CATSPERE: variants seen among roughly 807,000 people sequenced by gnomAD.
CATSPERE encodes the protein catsper channel auxiliary subunit epsilon.
CATSPERE carries 93 observed loss-of-function variants against 114.1 expected under a neutral mutation model. The observed-to-expected ratio is 0.81, with a 90% CI of 0.69 to 0.97. The LOEUF is 0.97. Among genes scored for constraint, CATSPERE ranks in the 50% least tolerant of loss-of-function variants. The pLI, the probability that CATSPERE is intolerant of heterozygous loss-of-function variation, is 0.00. For synonymous variants in CATSPERE, 341 were observed against 384.1 expected (o/e 0.89, Z 1.31); for missense variants, 1,058 against 1,131.6 (o/e 0.93, Z 0.93).
In CATSPERE at chr1:244,463,933, C is replaced by G. The variant is rs376544577; in HGVS notation, c.91C>G (p.Arg31Gly). 15 of 1,602,626 alleles carry G rather than the reference C, an allele frequency of 9.4e-6. No homozygotes were observed. The highest frequency in any genetic ancestry group is 1.3e-5 in the Non-Finnish European group (15 of 1,170,038). The change falls in exon 2 of 22, where the codon CGC (arginine) becomes GGC (glycine). Residue 31 changes from arginine (R) to glycine (G), a missense_variant. Physicochemically the swap from Arg to Gly is moderately radical, Grantham distance 125. Transcript: ENST00000366534. ...GTATTCCACTAACAGCCCAAACTAT[C>G]GCATTTTTAGTACCAGAAGTACTGT... ...WRYSTNSPNY[R>G]IFSTRSTIKL...
In CATSPERE at chr1:244,477,989, A is replaced by G; in HGVS notation, c.258+14A>G. ...GTTACTGGCCCAGTAAGTTGTTTTA[A>G]TGATATGTTATTAAATCTTGAATAA... On this transcript the variant is annotated intron_variant, in intron 4 of 21. Transcript: ENST00000366534. 3 of 1,543,412 alleles carry G rather than the reference A, an allele frequency of 1.9e-6. No homozygotes were observed. Among genetic ancestry groups the G allele is most frequent in the East Asian group, 2.3e-5 (1 of 44,408 alleles).
intron 8 of CATSPERE, among the ~76,000 whole-genome samples, chr1:244,551,569 T>G (rs928393117): frequency 6.6e-6 from 1 of 151,992 alleles, no homozygotes; most frequent in Non-Finnish European, 1.5e-5. Flanking sequence ...ATATAACTAA[T>G]TTGAGAGGTG....
At position 244,633,848 on chromosome 1, in the gene CATSPERE, A is replaced by C. The variant is rs28647307; in HGVS notation, c.2649-1641A>C. Among the ~76,000 whole-genome samples, 8,847 of 150,350 alleles carry C rather than the reference A, an allele frequency of 0.059. 885 individuals carry two copies. Among genetic ancestry groups the C allele is most frequent in the African/African-American group, 0.2 (8,349 of 40,998 alleles). ...GCCGTGCTGTGAAAATTCCTGTGAC[A>C]GGTGTCTACATCACTCATTTTTTTT... On this transcript the variant is annotated intron_variant, in intron 20 of 21. Coordinates refer to ENST00000366534, the MANE Select transcript of CATSPERE (RefSeq NM_001130957.2). This position sits in a 1 kb window ranked among gnomAD's most constrained non-coding sequence, Gnocchi z 4.1.
chr1:244,621,062 ATATATATAAAAT>A (rs1315970194), intron 20 of CATSPERE, among the ~76,000 whole-genome samples: 18 of 57,240 alleles, frequency 3.1e-4, no homozygotes, highest in African/African-American at 1.0e-3. Context: ...ATATATATAA[ATATATATAAAAT>A]ATATATATAA....
intron 7 of CATSPERE, among the ~76,000 whole-genome samples, chr1:244,514,142 T>C (rs1676195196): frequency 6.6e-6 from 1 of 152,220 alleles, no homozygotes; most frequent in Non-Finnish European, 1.5e-5. Context: ...TTTGGTGTCA[T>C]ATCCAAGAAA....
intron 12 of CATSPERE, among the ~76,000 whole-genome samples, 177 bp from the exon 13 acceptor site, chr1:244,583,687 G>A (rs918090301): frequency 1.4e-4 from 22 of 152,310 alleles, no homozygotes; most frequent in Non-Finnish European, 4.4e-5. Flanking sequence ...AGCATGCAGA[G>A]CTGTCTTAGC....
At chr1:244,484,723 A>G (rs2148186211) in intron 5 of CATSPERE, among the ~76,000 whole-genome samples, 1 of 152,308 alleles carries the variant, frequency 6.6e-6, no homozygotes, top group Middle Eastern at 3.4e-3. Flanking sequence ...CCACAGACCT[A>G]TCATTTCTTT....
chr1:244,565,953 G>A (rs895562786), intron 10 of CATSPERE, among the ~76,000 whole-genome samples: 2 of 152,130 alleles, frequency 1.3e-5, no homozygotes, highest in Non-Finnish European at 2.9e-5. Context: ...GACCTTTCCT[G>A]CTTTCTCCTG....
Position 244,583,902 on chromosome 1 carries a change from C to T in CATSPERE, c.2048C>T (p.Pro683Leu). ...GGTCTTGTGCTGGTTCAGTTTCGACCTAGTGAATATTCAAAAGCATGTCCA... is the reference window on the plus strand; with the variant it reads ...GGTCTTGTGCTGGTTCAGTTTCGACTTAGTGAATATTCAAAAGCATGTCCA... ...HTGLVLVQFR[P>L]SEYSKACPIA... Residue 683 changes from proline (P) to leucine (L), a missense_variant, in exon 13 of 22, where the codon CCT becomes CTT. By Grantham distance (98) the Pro-to-Leu change is moderately conservative. Transcript: ENST00000366534. 1.2e-6 allele frequency: 2 copies of T among 1,614,092 alleles called. No homozygotes were observed. The highest frequency in any genetic ancestry group is 2.2e-5 in the South Asian group (2 of 91,080).
chr1:244,471,970 T>C (rs185566549), intron 2 of CATSPERE, among the ~76,000 whole-genome samples: 33 of 152,334 alleles, frequency 2.2e-4, no homozygotes, highest in African/African-American at 7.2e-4. Flanking sequence ...CTTTTTCTTT[T>C]CTTTTCTGAG....
intron 2 of CATSPERE, among the ~76,000 whole-genome samples, chr1:244,464,660 G>A (rs916305971): frequency 2.6e-5 from 4 of 151,988 alleles, no homozygotes; most frequent in African/African-American, 9.7e-5. Context: ...CCAAAATTTG[G>A]TGTTATTAAA....
rs200697066 is a variant in CATSPERE at position 244,477,949 on chromosome 1, G to A, written c.232G>A (p.Ala78Thr). The part of the protein sequence containing the change: ...ELRCSSPGVH[A>T]IKPIVTGPDE... Reference sequence around the variant, plus strand: ...GCGTTGTTCCTCACCTGGTGTTCACGCTATAAAACCAATTGTTACTGGCCC... The same window carrying A: ...GCGTTGTTCCTCACCTGGTGTTCACACTATAAAACCAATTGTTACTGGCCC... The change falls in exon 4 of 22, where the codon GCT becomes ACT. Residue 78 changes from alanine (A) to threonine (T), a missense_variant. This residue lies in a region of CATSPERE where 271 missense variants were observed against 225.9 expected (regional missense o/e 1.20). Transcript: ENST00000366534. 1,909 of 1,607,890 alleles carry A rather than the reference G, an allele frequency of 1.2e-3. 29 individuals carry two copies. In the South Asian group the frequency reaches 0.019, roughly 16 times the overall value.
At chr1:244,621,778 A>C (rs778189582) in intron 20 of CATSPERE, among the ~76,000 whole-genome samples, 65 of 152,200 alleles carry the variant, frequency 4.3e-4, no homozygotes, top group Non-Finnish European at 8.7e-4. Flanking sequence ...CTGGAAAGAA[A>C]CAGAGAAGAT....
intron 14 of CATSPERE, among the ~76,000 whole-genome samples, chr1:244,590,240 C>T (rs1010210268): frequency 4.6e-5 from 7 of 152,110 alleles, no homozygotes; most frequent in African/African-American, 1.7e-4. Context: ...TCTTATGAAC[C>T]CTAACTAGAA....
intron 5 of CATSPERE, among the ~76,000 whole-genome samples, chr1:244,483,196 G>A (rs1231579830): frequency 6.6e-6 from 1 of 152,180 alleles, no homozygotes; most frequent in African/African-American, 2.4e-5. Context: ...AAATTTATTA[G>A]AAGTGAAGAA....
At chr1:244,611,821 G>A (rs1670767028) in intron 19 of CATSPERE, among the ~76,000 whole-genome samples, 1 of 152,150 alleles carries the variant, frequency 6.6e-6, no homozygotes, top group Middle Eastern at 3.2e-3. Context: ...CAAAGAAGCA[G>A]TGAGCTCACT....
intron 6 of CATSPERE, among the ~76,000 whole-genome samples, chr1:244,491,503 A>C (rs1042316281): frequency 6.6e-6 from 1 of 152,196 alleles, no homozygotes; most frequent in African/African-American, 2.4e-5. Flanking sequence ...GAAAGATCCA[A>C]AATCGACACC....
Position 244,614,268 on chromosome 1 carries a change from G to A in CATSPERE, c.2491-3261G>A, listed in dbSNP as rs145527188. Among the ~76,000 whole-genome samples the A allele has an allele frequency of 2.0e-4, 31 of 152,364 alleles. No homozygotes were observed. In the East Asian group the frequency reaches 4.0e-3, roughly 20 times the overall value. On this transcript the variant is annotated intron_variant, in intron 19 of 21. Transcript: ENST00000366534. ...TTCTGCAGCTGGCACCACCCTGCAC[G>A]TGAGTCAAGCTGTTGAGTCTCTCCC...
In CATSPERE at chr1:244,596,621, A is replaced by G. The variant is rs533365387; in HGVS notation, c.2303+3043A>G. On this transcript the variant is annotated intron_variant, in intron 17 of 21. Coordinates refer to ENST00000366534, the MANE Select transcript of CATSPERE (RefSeq NM_001130957.2). ...CCGGGGCCTGTCTGGGGTGGGGGGC[A>G]AGGGGAGGGAGAGGATTAGGACAAA... Among the ~76,000 whole-genome samples the G allele has an allele frequency of 7.1e-4, 108 of 152,188 alleles. 1 individual carries two copies. Among genetic ancestry groups the G allele is most frequent in the African/African-American group, 2.3e-3 (94 of 41,514 alleles).
Sources: gnomAD v4.1 joint callset for allele counts (sites outside exome capture counted in the v4.1 genomes callset) on GRCh38, gnomAD v4.1.1 for gene constraint, gnomAD v4.1.1 regional missense constraint, Gnocchi (gnomAD v3.1) non-coding constraint, MANE v1.5 for transcripts, NCBI Gene and HGNC (gene_info 2026-07-23, HGNC 2026-07-21) for gene names.